OR4D9: variants seen among roughly 807,000 people sequenced by gnomAD.
OR4D9 encodes olfactory receptor family 4 subfamily D member 9.
Under a neutral mutation model 0.8 loss-of-function variants are expected in OR4D9, and 2 were observed. The observed-to-expected ratio is 2.58, with a 90% CI of 1.06 to 8.13. OR4D9 has a LOEUF of 8.13. OR4D9 is among the 30% of genes most tolerant of loss of function. The pLI, the probability that OR4D9 is intolerant of heterozygous loss-of-function variation, is 0.04. For missense variants in OR4D9, 399 were observed against 384.7 expected, an observed-to-expected ratio of 1.04 and a Z score of -0.31; for synonymous variants, 146 against 151.2, an observed-to-expected ratio of 0.97 and a Z score of 0.25.
At position 59,515,193 on chromosome 11, in the gene OR4D9, T is replaced by G. The variant is rs769217297; in HGVS notation, c.281T>G (p.Phe94Cys). The stretch of plus-strand genomic sequence containing the variant: ...CTATCAGAGACAAAAACCATCTCCT[T>G]CAGTGGCTGTGTCACTCAAATGTTC... Reference protein sequence around the residue: ...DLLSETKTISFSGCVTQMFFF... With the variant: ...DLLSETKTISCSGCVTQMFFF... Residue 94 changes from phenylalanine to cysteine, a missense_variant, in exon 3 of 3, where the codon TTC becomes TGC. Physicochemically the swap from Phe to Cys is radical, Grantham distance 205 (BLOSUM62 -2). Coordinates refer to ENST00000641962, the MANE Select transcript of OR4D9 (RefSeq NM_001004711.2). 1.2e-6 allele frequency: 2 copies of G among 1,614,146 alleles called. No individual in the cohort carries two copies. The highest frequency in any genetic ancestry group is 1.1e-5 in the South Asian group (1 of 91,066).
At chr11:59,512,513 G>A (rs1323865056) in intron 1 of OR4D9, among the ~76,000 whole-genome samples, 4 of 150,842 alleles carry the variant, frequency 2.7e-5, no homozygotes, top group South Asian at 2.1e-4. Context: ...AAATCCATAC[G>A]TGAGTAAAAA....
In OR4D9 at chr11:59,514,812, C is replaced by T; in HGVS notation, c.-31+46C>T. ...GCTTCCTCCTAATTCTGAGCCAAAT[C>T]TTAAGTGAAAAGACAACACTAGATT... is the stretch of plus-strand genomic sequence containing the variant. On this transcript the variant is annotated intron_variant, in intron 2 of 2. Transcript: ENST00000641962. The T allele has an allele frequency of 3.7e-6, 3 of 815,150 alleles. No individual in the cohort carries two copies. In the South Asian group the frequency reaches 5.2e-5, roughly 14 times the overall value. 50.5% of individuals were successfully genotyped at this position (815,150 alleles called of 1,614,324 possible).
chr11:59,514,647 T>C (rs1374132114), intron 1 of OR4D9, 26 bp from the exon 2 acceptor site: 1 of 365,014 alleles, frequency 2.7e-6, no homozygotes, highest in East Asian at 4.4e-5. Flanking sequence ...TTGAATAGAT[T>C]CACGGACTTG....
In OR4D9 at chr11:59,519,006, C is replaced by T. The variant is rs1040514188; in HGVS notation, c.*3149C>T. 7 of 152,162 alleles carry T rather than the reference C, an allele frequency of 4.6e-5. No individual in the cohort carries two copies. The East Asian group carries it at 1.3e-3, about 29-fold the overall frequency. The allele number at this position is 152,162 out of a possible 1,614,324, so 9.4% of individuals were successfully genotyped here. ...CTGCTAAGAAATCACAGTTGGGTTACATTACAAAGATTAAGACTTTGTCTA... is the reference window on the plus strand; with the variant it reads ...CTGCTAAGAAATCACAGTTGGGTTATATTACAAAGATTAAGACTTTGTCTA... On this transcript the variant is annotated 3_prime_UTR_variant, in exon 3 of 3. Coordinates refer to ENST00000641962, the MANE Select transcript of OR4D9 (RefSeq NM_001004711.2).
chr11:59,513,950 G>A (rs1301435211), intron 1 of OR4D9, among the ~76,000 whole-genome samples: 3 of 152,152 alleles, frequency 2.0e-5, no homozygotes, highest in Non-Finnish European at 2.9e-5. Context: ...CAGCCTGGGC[G>A]ACAGAGTGAG....
intron 1 of OR4D9, among the ~76,000 whole-genome samples, chr11:59,514,071 A>T (rs887934147): frequency 6.6e-6 from 1 of 152,234 alleles, no homozygotes; most frequent in Admixed American, 6.5e-5. Context: ...TGTCCTTAAG[A>T]GATATATAGG....
In OR4D9 at chr11:59,515,093, T is replaced by C; in HGVS notation, c.181T>C (p.Phe61Leu). The C allele has an allele frequency of 6.2e-7, 1 of 1,614,198 alleles. No individual in the cohort carries two copies. Among genetic ancestry groups the C allele is most frequent in the Non-Finnish European group, 8.5e-7 (1 of 1,180,036 alleles). ...ATCTCACCTTCATACGCCCATGTAC[T>C]TCCTGCTCCGCAACCTGTCTATTCT... ...CESHLHTPMY[F>L]LLRNLSILDI... is the part of the protein sequence containing the mutation. The change falls in exon 3 of 3, where the codon TTC becomes CTC. Residue 61 changes from phenylalanine (F) to leucine (L), a missense_variant. Phe to Leu is a conservative substitution (Grantham distance 22, BLOSUM62 0). Coordinates refer to ENST00000641962, the MANE Select transcript of OR4D9 (RefSeq NM_001004711.2).
chr11:59,512,928 G>A (rs974124776), intron 1 of OR4D9, among the ~76,000 whole-genome samples: 4 of 152,138 alleles, frequency 2.6e-5, no homozygotes, highest in African/African-American at 9.7e-5. Flanking sequence ...AAAGTGAGTG[G>A]TCCATTAAAT....
Position 59,516,038 on chromosome 11 carries a change from C to G in OR4D9, c.*181C>G, listed in dbSNP as rs979110774. ...TGATACTGCTCTAAGACAAAATCCA[C>G]TCAAGTCTTTCCCTACTCACTTTCA... On this transcript the variant is annotated 3_prime_UTR_variant, in exon 3 of 3. Transcript: ENST00000641962. 20 of 556,206 alleles carry G rather than the reference C, an allele frequency of 3.6e-5. No homozygotes were observed. Among genetic ancestry groups the G allele is most frequent in the Non-Finnish European group, 3.5e-5 (11 of 317,928 alleles). 34.5% of individuals were successfully genotyped at this position (556,206 alleles called of 1,614,324 possible). A position where few individuals can be genotyped will look rare whatever the true frequency, so the allele number is the denominator to read the frequency against.
rs1215081169 is a variant in OR4D9 at position 59,516,584 on chromosome 11, A to T, written c.*727A>T. ...TTTCCAAAGACATTTAACAGCCAGTAGACATTTTCAAGGGGAAAAAGATCA... is the reference window on the plus strand; with the variant it reads ...TTTCCAAAGACATTTAACAGCCAGTTGACATTTTCAAGGGGAAAAAGATCA... On this transcript the variant is annotated 3_prime_UTR_variant, in exon 3 of 3. Coordinates refer to ENST00000641962, the MANE Select transcript of OR4D9 (RefSeq NM_001004711.2). 1 of 152,272 alleles carries T rather than the reference A, an allele frequency of 6.6e-6. No individual in the cohort carries two copies. The highest frequency in any genetic ancestry group is 2.4e-5 in the African/African-American group (1 of 41,482). The allele number at this position is 152,272 out of a possible 1,614,324, so 9.4% of individuals were successfully genotyped here.
chr11:59,518,680 C>T lies in OR4D9; in HGVS notation c.*2823C>T, dbSNP rs79641329. On this transcript the variant is annotated 3_prime_UTR_variant, in exon 3 of 3. Coordinates refer to ENST00000641962, the MANE Select transcript of OR4D9 (RefSeq NM_001004711.2). ...AGAATTACAGGCATGAGACACCTCA[C>T]CTGAACATGCTCATGCTGTCTTATG... The T allele has an allele frequency of 3.3e-5, 5 of 152,154 alleles. No individual in the cohort carries two copies. Among genetic ancestry groups the T allele is most frequent in the Non-Finnish European group, 7.3e-5 (5 of 68,054 alleles). 9.4% of individuals were successfully genotyped at this position (152,154 alleles called of 1,614,324 possible).
Position 59,514,744 on chromosome 11 carries a change from T to G in OR4D9, c.-53T>G. ...ACCTGGGTAATCTTTCATCCAGTGG[T>G]GGCATACTGACTTGCAGACACAGTG... is the stretch of plus-strand genomic sequence containing the variant. On this transcript the variant is annotated 5_prime_UTR_variant, in exon 2 of 3. Coordinates refer to ENST00000641962, the MANE Select transcript of OR4D9 (RefSeq NM_001004711.2). 1.8e-6 allele frequency: 1 copy of G among 552,960 alleles called. No individual in the cohort carries two copies. Among genetic ancestry groups the G allele is most frequent in the Non-Finnish European group, 3.2e-6 (1 of 316,172 alleles). 34.3% of individuals were successfully genotyped at this position (552,960 alleles called of 1,614,324 possible).
rs780728270 is a variant in OR4D9, at chr11:59,516,966, G to A, written c.*1109G>A. ...TGCCTGTAGTCCCAGCTACTGGGGA[G>A]GCTGAGGCGGGAGAATGGCATGAAC... On this transcript the variant is annotated 3_prime_UTR_variant, in exon 3 of 3. Coordinates refer to ENST00000641962, the MANE Select transcript of OR4D9 (RefSeq NM_001004711.2). 6.6e-6 allele frequency: 1 copy of A among 152,196 alleles called. No homozygotes were observed. The highest frequency in any genetic ancestry group is 1.5e-5 in the Non-Finnish European group (1 of 68,140). The allele number at this position is 152,196 out of a possible 1,614,324, so 9.4% of individuals were successfully genotyped here.
Position 59,515,421 on chromosome 11 carries a change from G to T in OR4D9, c.509G>T (p.Gly170Val), listed in dbSNP as rs1331386219. The change falls in exon 3 of 3, where the codon GGA becomes GTA. Residue 170 changes from glycine (G) to valine (V), a missense_variant. Transcript: ENST00000641962. ...CTATTGCTCCCACTCCCTTTCTGTGGACCCAATGTTCTTGACACTTTCTAC... is the reference window on the plus strand; with the variant it reads ...CTATTGCTCCCACTCCCTTTCTGTGTACCCAATGTTCTTGACACTTTCTAC... ...ISLLLPLPFCGPNVLDTFYCD... is the reference protein window; with the variant it reads ...ISLLLPLPFCVPNVLDTFYCD... 5 of 1,613,836 alleles carry T rather than the reference G, an allele frequency of 3.1e-6. No individual in the cohort carries two copies. The highest frequency in any genetic ancestry group is 4.2e-6 in the Non-Finnish European group (5 of 1,179,920).
chr11:59,512,369 C>T (rs1211537316), intron 1 of OR4D9, among the ~76,000 whole-genome samples: 1 of 133,196 alleles, frequency 7.5e-6, no homozygotes, highest in Non-Finnish European at 1.5e-5. Flanking sequence ...CCCAGCTACT[C>T]GAGAGGCTGA....
rs1859465737 is a variant in OR4D9, at chr11:59,520,637, G to A, written c.*4780G>A. 6.6e-6 allele frequency: 1 copy of A among 152,022 alleles called. No homozygotes were observed. 9.4% of individuals were successfully genotyped at this position (152,022 alleles called of 1,614,324 possible). The stretch of plus-strand genomic sequence containing the variant: ...ATAACAAAAAAAAGAAAAGATAAAT[G>A]AAGTCAATTGAGGAGATAATAGGGT... On this transcript the variant is annotated 3_prime_UTR_variant, in exon 3 of 3. Coordinates refer to ENST00000641962, the MANE Select transcript of OR4D9 (RefSeq NM_001004711.2).
In OR4D9 at chr11:59,515,156, C is replaced by G. The variant is rs752858312; in HGVS notation, c.244C>G (p.Leu82Val). 6.2e-7 allele frequency: 1 copy of G among 1,614,186 alleles called. No homozygotes were observed. Among genetic ancestry groups the G allele is most frequent in the South Asian group, 1.1e-5 (1 of 91,090 alleles). Residue 82 changes from leucine (L) to valine (V), a missense_variant, in exon 3 of 3, where the codon CTG (leucine) becomes GTG (valine). Physicochemically the swap from Leu to Val is conservative, Grantham distance 32. Coordinates refer to ENST00000641962, the MANE Select transcript of OR4D9 (RefSeq NM_001004711.2). ...TTCCTCCATCACAGCTCCTAAGGTC[C>G]TGATAGATCTTCTATCAGAGACAAA... is the stretch of plus-strand genomic sequence containing the variant. ...CFSSITAPKV[L>V]IDLLSETKTI...
Position 59,515,525 on chromosome 11 carries a change from T to A in OR4D9, c.613T>A (p.Leu205Ile). 2 of 1,614,100 alleles carry A rather than the reference T, an allele frequency of 1.2e-6. No homozygotes were observed. The highest frequency in any genetic ancestry group is 2.2e-5 in the South Asian group (2 of 91,072). ...LELLMISNNG[L>I]VSWFVFFFLL... ...GCTCCTGATGATTTCAAATAATGGG[T>A]TAGTCAGTTGGTTTGTATTCTTCTT... Residue 205 changes from leucine (L) to isoleucine (I), a missense_variant, in exon 3 of 3, where the codon TTA becomes ATA. Leu to Ile is a conservative substitution (Grantham distance 5). Transcript: ENST00000641962.
At position 59,516,396 on chromosome 11, in the gene OR4D9, G is replaced by C. The variant is rs1859405897; in HGVS notation, c.*539G>C. Reference sequence around the variant, plus strand: ...AGCTACTCGGAAGGCTGAGGCAGGAGAATCACTTGAACCCGGGAGGCAGAG... The same window carrying C: ...AGCTACTCGGAAGGCTGAGGCAGGACAATCACTTGAACCCGGGAGGCAGAG... On this transcript the variant is annotated 3_prime_UTR_variant, in exon 3 of 3. Coordinates refer to ENST00000641962, the MANE Select transcript of OR4D9 (RefSeq NM_001004711.2). The C allele has an allele frequency of 6.6e-6, 1 of 152,508 alleles. No homozygotes were observed. Among genetic ancestry groups the C allele is most frequent in the South Asian group, 2.1e-4 (1 of 4,832 alleles). The allele number at this position is 152,508 out of a possible 1,614,324, so 9.4% of individuals were successfully genotyped here. A position where few individuals can be genotyped will look rare whatever the true frequency, so the allele number is the denominator to read the frequency against.
Sources: gnomAD v4.1 joint callset for allele counts (sites outside exome capture counted in the v4.1 genomes callset) on GRCh38, gnomAD v4.1.1 for gene constraint, MANE v1.5 for transcripts, NCBI Gene and HGNC (gene_info 2026-07-23, HGNC 2026-07-21) for gene names.